LIMS1: variants seen among roughly 807,000 people sequenced by gnomAD.
LIMS1 encodes LIM and senescent cell antigen-like-containing domain protein 1.
Under a neutral mutation model 44.1 loss-of-function variants are expected in LIMS1, and 18 were observed. The ratio of observed to expected loss-of-function variants is 0.41; its 90% CI spans 0.28 to 0.61. LIMS1 has a LOEUF of 0.61. Ranked by LOEUF, LIMS1 falls within the 20% of genes least tolerant of loss-of-function variation. LIMS1 has a pLI of 0.32. For missense variants in LIMS1, 201 were observed against 422.0 expected, an observed-to-expected ratio of 0.48 and a Z score of 4.59; for synonymous variants, 93 against 149.1, an observed-to-expected ratio of 0.62 and a Z score of 2.74.
chr2:108,674,197 G>C (rs1199483475), intron 5 of LIMS1, among the ~76,000 whole-genome samples: 1 of 151,926 alleles, frequency 6.6e-6, no homozygotes, highest in South Asian at 2.1e-4. Context: ...GGGCACGGTG[G>C]CGGGTGCCTA....
chr2:108,602,989 C>T (rs1245715443), intron 1 of LIMS1, among the ~76,000 whole-genome samples: 1 of 152,042 alleles, frequency 6.6e-6, no homozygotes, highest in African/African-American at 2.4e-5. Context: ...GTCATGGTAC[C>T]CAGCCAGGCT....
At chr2:108,543,965 C>G (rs1047279484) in intron 1 of LIMS1, among the ~76,000 whole-genome samples, 1 of 152,068 alleles carries the variant, frequency 6.6e-6, no homozygotes, top group African/African-American at 2.4e-5. Flanking sequence ...ATCACTTGAG[C>G]CTGGGAGGTT....
At chr2:108,602,886 C>T (rs1049278506) in intron 1 of LIMS1, among the ~76,000 whole-genome samples, 6 of 152,178 alleles carry the variant, frequency 3.9e-5, no homozygotes, top group African/African-American at 1.4e-4. Context: ...CCATCTCATC[C>T]TCCTGAGCAG....
chr2:108,589,561 A>C (rs901996547), intron 1 of LIMS1, among the ~76,000 whole-genome samples: 6 of 151,736 alleles, frequency 4.0e-5, no homozygotes, highest in African/African-American at 1.5e-4. Flanking sequence ...CATTGGGCCT[A>C]GTTTGTTATT....
chr2:108,661,448 G>A (rs2438233), intron 2 of LIMS1, among the ~76,000 whole-genome samples: 42 of 151,800 alleles, frequency 2.8e-4, no homozygotes, highest in Admixed American at 4.6e-4. Flanking sequence ...AATCTTTTGG[G>A]CAAGGATGAT....
At chr2:108,576,724 A>G (rs1210093474) in intron 1 of LIMS1, among the ~76,000 whole-genome samples, 1 of 152,136 alleles carries the variant, frequency 6.6e-6, no homozygotes, top group Non-Finnish European at 1.5e-5. Flanking sequence ...CTTTAGAGTG[A>G]GCCTTATGCC....
At chr2:108,591,387 A>C (rs1418975146) in intron 1 of LIMS1, among the ~76,000 whole-genome samples, 1 of 152,164 alleles carries the variant, frequency 6.6e-6, no homozygotes. Context: ...CTGAAGTCTC[A>C]TTGATAGTTT....
intron 1 of LIMS1, among the ~76,000 whole-genome samples, chr2:108,645,917 G>A (rs1179942389): frequency 2.6e-5 from 4 of 152,054 alleles, no homozygotes; most frequent in Non-Finnish European, 5.9e-5. Flanking sequence ...TTACATAATG[G>A]TAGAGGGATC....
At chr2:108,683,781 T>TA (rs1693163698) in intron 9 of LIMS1, 104 bp from the exon 10 acceptor site, 1 of 509,560 alleles carries the variant, frequency 2.0e-6, no homozygotes, top group Non-Finnish European at 3.5e-6. Flanking sequence ...TATCATCACC[T>TA]AGTTGCCTTC....
intron 1 of LIMS1, among the ~76,000 whole-genome samples, chr2:108,612,888 A>C (rs944576192): frequency 2.0e-5 from 3 of 152,126 alleles, no homozygotes; most frequent in African/African-American, 7.2e-5. Context: ...TTCCGGGGTT[A>C]GGTTGTCAGT....
At chr2:108,595,030 A>G (rs973052948) in intron 1 of LIMS1, among the ~76,000 whole-genome samples, 4 of 152,218 alleles carry the variant, frequency 2.6e-5, no homozygotes, top group Admixed American at 1.3e-4. Context: ...GGTACCATAC[A>G]TAAAAGCAGG....
At chr2:108,568,105 G>C (rs1200763764) in intron 1 of LIMS1, among the ~76,000 whole-genome samples, 1 of 152,102 alleles carries the variant, frequency 6.6e-6, no homozygotes, top group African/African-American at 2.4e-5. Context: ...TCGAAGTTTG[G>C]TGATATTTTT....
chr2:108,616,197 C>CTTTTTT (rs1159229290), intron 1 of LIMS1, among the ~76,000 whole-genome samples: 5 of 71,944 alleles, frequency 6.9e-5, no homozygotes, highest in Admixed American at 2.0e-4. Context: ...TTTGCATGGG[C>CTTTTTT]TTTTTTTTTT....
chr2:108,676,970 C>A (rs1692608020), intron 7 of LIMS1: 1 of 399,474 alleles, frequency 2.5e-6, no homozygotes, highest in East Asian at 4.5e-5. Flanking sequence ...ATATTATATA[C>A]AAGTACGATG....
intron 1 of LIMS1, among the ~76,000 whole-genome samples, chr2:108,629,217 C>G (rs1688755820): frequency 6.6e-6 from 1 of 152,178 alleles, no homozygotes. Context: ...ATGCGTGGAA[C>G]TAGAAACGGA....
intron 1 of LIMS1, among the ~76,000 whole-genome samples, chr2:108,582,800 A>G (rs142411005): frequency 1.7e-3 from 262 of 152,300 alleles, no homozygotes; most frequent in Middle Eastern, 3.4e-3. Flanking sequence ...AGATACCATC[A>G]TGAAGTACTT....
At chr2:108,587,023 G>T (rs571898389) in intron 1 of LIMS1, among the ~76,000 whole-genome samples, 3 of 152,296 alleles carry the variant, frequency 2.0e-5, no homozygotes, top group African/African-American at 7.2e-5. Flanking sequence ...CAAACTAGCT[G>T]GGACCGTTGG....
At chr2:108,650,140 C>G (rs1420731421) in intron 1 of LIMS1, among the ~76,000 whole-genome samples, 1 of 152,148 alleles carries the variant, frequency 6.6e-6, no homozygotes, top group Non-Finnish European at 1.5e-5. Context: ...AATGGCTATT[C>G]TGATGCCACT....
intron 1 of LIMS1, among the ~76,000 whole-genome samples, chr2:108,542,115 T>G (rs1381618319): frequency 6.6e-6 from 1 of 152,222 alleles, no homozygotes; most frequent in East Asian, 1.9e-4. Flanking sequence ...TTTAGTGTCT[T>G]TGACGTTGTT....
Sources: allele counts gnomAD v4.1 joint callset (sites outside exome capture counted in the v4.1 genomes callset), GRCh38; gene constraint gnomAD v4.1.1; transcripts MANE v1.5; gene names NCBI Gene and HGNC (gene_info 2026-07-23, HGNC 2026-07-21).